The following PYHIN1 variants were observed in gnomAD, a reference collection of about 807,000 sequenced individuals.
The protein encoded by PYHIN1 is pyrin and HIN domain family member 1, also known as pyrin and HIN domain-containing protein 1.
A neutral mutation model predicts 43.7 loss-of-function variants in PYHIN1; 32 were observed. The ratio of observed to expected loss-of-function variants is 0.73; its 90% confidence interval spans 0.55 to 0.98. The LOEUF is 0.98. Among genes scored for constraint, PYHIN1 ranks in the 50% least tolerant of loss-of-function variants. The pLI, the probability that PYHIN1 is intolerant of heterozygous loss-of-function variation, is 0.00. For synonymous variants in PYHIN1, 205 were observed against 203.1 expected, an observed-to-expected ratio of 1.01 and a Z score of -0.08; for missense variants, 588 against 589.5, an observed-to-expected ratio of 1.00 and a Z score of 0.03.
chr1:158,990,336 AC>A, the PYHIN1 span, among the ~76,000 whole-genome samples: 1 of 151,638 alleles, frequency 6.6e-6, no homozygotes, highest in Non-Finnish European at 1.5e-5. Flanking sequence ...CTCTGTTGTG[AC>A]CTTTCTTTTT....
chr1:158,944,828 T>A, intron 6 of PYHIN1, 47 bp from the exon 7 acceptor site: 1 of 1,382,962 alleles, frequency 7.2e-7, no homozygotes, highest in South Asian at 1.7e-5. Context: ...GATGTTTTGC[T>A]TTCCCTAATA....
intron 7 of PYHIN1, among the ~76,000 whole-genome samples, chr1:158,970,640 T>C (rs551586111): frequency 6.6e-6 from 1 of 152,152 alleles, no homozygotes; most frequent in East Asian, 1.9e-4. Context: ...GACTAGCTTA[T>C]TTAATATTTT....
At chr1:158,990,699 T>C in the PYHIN1 span, among the ~76,000 whole-genome samples, 1 of 152,172 alleles carries the variant, frequency 6.6e-6, no homozygotes, top group Non-Finnish European at 1.5e-5. Flanking sequence ...TACCCTTTGT[T>C]TACCACCACT....
At chr1:158,967,950 G>A (rs1650721327) in intron 7 of PYHIN1, among the ~76,000 whole-genome samples, 1 of 151,732 alleles carries the variant, frequency 6.6e-6, no homozygotes, top group Non-Finnish European at 1.5e-5. Flanking sequence ...AATTCAAGAT[G>A]AATTGAAGGC....
chr1:158,964,576 C>T, intron 7 of PYHIN1, among the ~76,000 whole-genome samples: 1 of 152,142 alleles, frequency 6.6e-6, no homozygotes, highest in East Asian at 1.9e-4. Flanking sequence ...AGCTTGGGAC[C>T]TATATTCAGC....
Position 158,976,740 on chromosome 1 carries a change from C to A in PYHIN1, c.*45C>A, listed in dbSNP as rs375486189. On this transcript the variant is annotated 3_prime_UTR_variant, in exon 9 of 9. Coordinates refer to ENST00000368140, the MANE Select transcript of PYHIN1 (RefSeq NM_152501.5). ...GGATATCAAATAACTACTGTTCAAT[C>A]TTTACTCAAGTGTGGAAATTTTGCC... The A allele has an allele frequency of 1.2e-6, 2 of 1,602,060 alleles. No individual in the cohort carries two copies. Among genetic ancestry groups the A allele is most frequent in the Non-Finnish European group, 1.7e-6 (2 of 1,173,192 alleles).
At chr1:158,945,801 T>C (rs1649189007) in intron 7 of PYHIN1, among the ~76,000 whole-genome samples, 5 of 152,226 alleles carry the variant, frequency 3.3e-5, no homozygotes, top group Admixed American at 3.3e-4. Context: ...ATGTTCTGTG[T>C]TTGAGCATTT....
chr1:158,990,600 T>A, the PYHIN1 span, among the ~76,000 whole-genome samples: 3 of 152,198 alleles, frequency 2.0e-5, no homozygotes, highest in African/African-American at 7.2e-5. Context: ...TGCTATAAAA[T>A]AGATTTCTTG....
chr1:158,939,369 G>T (rs764620997), intron 4 of PYHIN1, 122 bp downstream of exon 4: 41 of 1,601,660 alleles, frequency 2.6e-5, no homozygotes, highest in Non-Finnish European at 3.4e-5. Flanking sequence ...TATAGACTGA[G>T]AATTCACTGC....
At chr1:158,944,096 C>A (rs1649083542) in intron 6 of PYHIN1, 118 bp downstream of exon 6, 1 of 637,054 alleles carries the variant, frequency 1.6e-6, no homozygotes, top group South Asian at 3.7e-5. Flanking sequence ...CATGAGAAAC[C>A]AAATAATGCC....
intron 7 of PYHIN1, among the ~76,000 whole-genome samples, chr1:158,971,561 C>T (rs1204557390): frequency 1.3e-5 from 2 of 151,924 alleles, no homozygotes; most frequent in African/African-American, 4.8e-5. Context: ...CTGACTGGAA[C>T]TGTGCTTTCA....
chr1:158,986,935 T>A, the PYHIN1 span, among the ~76,000 whole-genome samples: 1 of 152,202 alleles, frequency 6.6e-6, no homozygotes, highest in Non-Finnish European at 1.5e-5. Flanking sequence ...ACTCTACACC[T>A]ATTTCATGCA....
intron 7 of PYHIN1, among the ~76,000 whole-genome samples, chr1:158,971,453 C>A (rs1650929438): frequency 6.6e-6 from 1 of 151,738 alleles, no homozygotes; most frequent in Admixed American, 6.6e-5. Flanking sequence ...AAGACATGTT[C>A]TGGGAATGCC....
intron 7 of PYHIN1, among the ~76,000 whole-genome samples, chr1:158,968,364 T>G (rs1650747898): frequency 6.6e-6 from 1 of 151,922 alleles, no homozygotes; most frequent in Admixed American, 6.6e-5. Flanking sequence ...CACTAATTAT[T>G]AGAGAAATGC....
At chr1:158,973,535 A>ACT (rs1159032133) in intron 7 of PYHIN1, 112 bp from the exon 8 acceptor site, 1 of 1,031,368 alleles carries the variant, frequency 9.7e-7, no homozygotes, top group Non-Finnish European at 1.5e-6. Flanking sequence ...ACACACACAC[A>ACT]CATATACACA....
At chr1:158,982,514 C>T in the PYHIN1 span, among the ~76,000 whole-genome samples, 7 of 152,146 alleles carry the variant, frequency 4.6e-5, no homozygotes, top group East Asian at 3.9e-4. Flanking sequence ...CTGTTTTGTT[C>T]TAGCACCATG....
chr1:158,939,437 C>T, intron 4 of PYHIN1, 190 bp downstream of exon 4: 1 of 1,552,936 alleles, frequency 6.4e-7, no homozygotes, highest in Non-Finnish European at 8.7e-7. Flanking sequence ...TCTCTGACTG[C>T]AGGAAGTTTT....
intron 1 of PYHIN1, among the ~76,000 whole-genome samples, chr1:158,934,692 T>C (rs1648404526): frequency 6.6e-6 from 1 of 152,138 alleles, no homozygotes; most frequent in South Asian, 2.1e-4. Flanking sequence ...GGTACACAAA[T>C]ACATGTTTTC....
chr1:158,976,272 C>T (rs2101744105), intron 8 of PYHIN1, among the ~76,000 whole-genome samples: 1 of 152,218 alleles, frequency 6.6e-6, no homozygotes, highest in East Asian at 1.9e-4. Flanking sequence ...CAAAGGCTTT[C>T]TGATTGCTCC....
Sources: gnomAD v4.1 joint callset for allele counts (sites outside exome capture counted in the v4.1 genomes callset) on GRCh38, gnomAD v4.1.1 for gene constraint, MANE v1.5 for transcripts, NCBI Gene and HGNC (gene_info 2026-07-23, HGNC 2026-07-21) for gene names.